ACTR3B: variants seen among roughly 807,000 people sequenced by gnomAD.
The protein encoded by ACTR3B is actin related protein 3B, also known as actin-related protein 3B.
In ACTR3B, 8 loss-of-function variants were observed where a neutral mutation model predicts 59.0. The observed-to-expected ratio is 0.14, with a 90% CI of 0.08 to 0.24. The LOEUF is 0.24. ACTR3B is among the 10% of genes least tolerant of loss of function. The pLI is 1.00. For synonymous variants in ACTR3B, 148 were observed against 197.9 expected, an observed-to-expected ratio of 0.75 and a Z score of 2.12; for missense variants, 245 against 552.3, an observed-to-expected ratio of 0.44 and a Z score of 5.58.
chr7:152,774,464 A>G (rs1239276745), intron 1 of ACTR3B, among the ~76,000 whole-genome samples: 1 of 152,066 alleles, frequency 6.6e-6, no homozygotes, highest in Non-Finnish European at 1.5e-5. Context: ...TTTTTAAAAT[A>G]ATTGCTTAAA....
intron 1 of ACTR3B, 22 bp downstream of exon 1, chr7:152,759,948 C>A: frequency 1.5e-6 from 2 of 1,352,726 alleles, no homozygotes; most frequent in Non-Finnish European, 9.6e-7. Flanking sequence ...TCGGCGCCCA[C>A]CCCCGCTCCT....
chr7:152,809,437 A>C (rs1475656311), intron 4 of ACTR3B, among the ~76,000 whole-genome samples: 1 of 152,050 alleles, frequency 6.6e-6, no homozygotes, highest in African/African-American at 2.4e-5. Flanking sequence ...TCCTGCCTAG[A>C]GGAAGCCGCC....
chr7:152,768,822 A>G (rs1342752916), intron 1 of ACTR3B, among the ~76,000 whole-genome samples: 1 of 151,074 alleles, frequency 6.6e-6, no homozygotes, highest in African/African-American at 2.4e-5. Context: ...GTCTATATGA[A>G]CTACCTTATT....
intron 2 of ACTR3B, among the ~76,000 whole-genome samples, chr7:152,793,724 T>C (rs1401114046): frequency 6.6e-6 from 1 of 151,942 alleles, no homozygotes; most frequent in Admixed American, 6.6e-5. Flanking sequence ...GAGATGTTAC[T>C]GGTTTTTGCC....
chr7:152,790,637 G>A (rs1233101872), intron 2 of ACTR3B, among the ~76,000 whole-genome samples: 3 of 152,030 alleles, frequency 2.0e-5, no homozygotes, highest in Non-Finnish European at 4.4e-5. Context: ...TTGTCTGGTT[G>A]TGTATCAGGA....
chr7:152,841,793 C>T (rs1168383722), intron 9 of ACTR3B, among the ~76,000 whole-genome samples: 5 of 152,226 alleles, frequency 3.3e-5, no homozygotes, highest in Middle Eastern at 3.4e-3. Flanking sequence ...TTTAAGTCCC[C>T]GATGCCACCT....
At chr7:152,816,201 C>T (rs1020626827) in intron 5 of ACTR3B, among the ~76,000 whole-genome samples, 2 of 152,230 alleles carry the variant, frequency 1.3e-5, no homozygotes, top group African/African-American at 2.4e-5. Context: ...CCTACCTTAG[C>T]CTCCCAAAGT....
At chr7:152,853,969 C>T (rs769293096) in intron 11 of ACTR3B, among the ~76,000 whole-genome samples, 33 of 152,004 alleles carry the variant, frequency 2.2e-4, no homozygotes, top group Non-Finnish European at 4.3e-4. Flanking sequence ...GGTGATCCAC[C>T]CCCCTGCCTT....
chr7:152,821,680 CTG>C (rs1399791831), intron 7 of ACTR3B, among the ~76,000 whole-genome samples: 1 of 152,212 alleles, frequency 6.6e-6, no homozygotes, highest in African/African-American at 2.4e-5. Context: ...CTCGATGTGA[CTG>C]TGTGTCTCCC....
intron 1 of ACTR3B, among the ~76,000 whole-genome samples, chr7:152,764,516 C>T (rs1268087400): frequency 2.6e-5 from 4 of 151,328 alleles, no homozygotes; most frequent in African/African-American, 9.7e-5. Context: ...CACTGGTGGG[C>T]TAATTTTAGT....
intron 1 of ACTR3B, among the ~76,000 whole-genome samples, chr7:152,770,716 C>T (rs1363220955): frequency 2.0e-5 from 3 of 148,864 alleles, no homozygotes; most frequent in African/African-American, 7.5e-5. Flanking sequence ...TCAGCCAATT[C>T]TTCTAAACAA....
rs932836130 is a variant in ACTR3B, at chr7:152,759,853, C to G, written c.-30C>G. The stretch of plus-strand genomic sequence containing the variant: ...CGGCGACGGGGCGCTCTCGGGCTGC[C>G]GGCGGGGCCGAGCGCCGCGCGTCCC... On this transcript the variant is annotated 5_prime_UTR_variant, in exon 1 of 12. Coordinates refer to ENST00000256001, the MANE Select transcript of ACTR3B (RefSeq NM_020445.6). 53 of 1,260,522 alleles carry G rather than the reference C, an allele frequency of 4.2e-5. 1 individual carries two copies. The Middle Eastern group carries it at 9.0e-4, about 21-fold the overall frequency. 78.1% of individuals were successfully genotyped at this position (1,260,522 alleles called of 1,614,324 possible). A position where few individuals can be genotyped will look rare whatever the true frequency, so the allele number is the denominator to read the frequency against.
intron 2 of ACTR3B, among the ~76,000 whole-genome samples, chr7:152,792,305 A>T (rs7782744): frequency 0.029 from 4,492 of 152,314 alleles, 96 homozygotes; most frequent in Middle Eastern, 0.099. Flanking sequence ...ACGCAAGAGG[A>T]AAAGGAAAAT....
chr7:152,814,202 G>A (rs561240320), intron 4 of ACTR3B: 22 of 235,120 alleles, frequency 9.4e-5, no homozygotes, highest in South Asian at 3.0e-4. Context: ...GTCCTCACTC[G>A]TCTTGGTTGT....
intron 9 of ACTR3B, among the ~76,000 whole-genome samples, chr7:152,850,727 A>C (rs1320610524): frequency 6.6e-6 from 1 of 152,182 alleles, no homozygotes; most frequent in East Asian, 1.9e-4. Flanking sequence ...CATATCATAT[A>C]ACTTAGAACC....
At chr7:152,844,205 A>G (rs7804385) in intron 9 of ACTR3B, among the ~76,000 whole-genome samples, 122,600 of 151,706 alleles carry the variant, frequency 0.81, 49,880 homozygotes, top group African/African-American at 0.89. Context: ...TTACAGGTGC[A>G]TGCCACCATG....
intron 9 of ACTR3B, among the ~76,000 whole-genome samples, chr7:152,836,300 A>C (rs1430689721): frequency 6.6e-6 from 1 of 152,072 alleles, no homozygotes; most frequent in African/African-American, 2.4e-5. Context: ...ATCTGATTTT[A>C]GGAAGTCATG....
intron 2 of ACTR3B, among the ~76,000 whole-genome samples, chr7:152,799,172 TAAG>T (rs1339157186): frequency 6.6e-6 from 1 of 152,262 alleles, no homozygotes; most frequent in Non-Finnish European, 1.5e-5. Context: ...AGAAATACAT[TAAG>T]GACAGTGAGA....
chr7:152,796,540 A>T (rs1245355881), intron 2 of ACTR3B, among the ~76,000 whole-genome samples: 3 of 144,422 alleles, frequency 2.1e-5, no homozygotes, highest in Non-Finnish European at 3.0e-5. Flanking sequence ...TGCATTTTGG[A>T]GGAGAGAGCA....
Sources: allele counts gnomAD v4.1 joint callset (sites outside exome capture counted in the v4.1 genomes callset), GRCh38; gene constraint gnomAD v4.1.1; transcripts MANE v1.5; gene names NCBI Gene and HGNC (gene_info 2026-07-23, HGNC 2026-07-21).